NUDT9: variants seen among roughly 807,000 people sequenced by gnomAD.
NUDT9 encodes the protein ADP-ribose pyrophosphatase.
In NUDT9, 31 loss-of-function variants were observed where a neutral mutation model predicts 41.0. That is an observed-to-expected ratio of 0.76 (90% CI 0.57 to 1.02). NUDT9 has a LOEUF of 1.02. Among genes scored for constraint, NUDT9 ranks in the 50% least tolerant of loss-of-function variants. NUDT9 has a pLI of 0.00. For missense variants in NUDT9, 380 were observed against 431.4 expected (o/e 0.88, Z 1.06); for synonymous variants, 146 against 147.6 (o/e 0.99, Z 0.08).
At chr4:87,450,936 C>T (rs925355021) in intron 5 of NUDT9, among the ~76,000 whole-genome samples, 5 of 152,144 alleles carry the variant, frequency 3.3e-5, no homozygotes, top group Non-Finnish European at 7.3e-5. Flanking sequence ...TCTTTTGGTG[C>T]TCCCATTCCA....
At chr4:87,433,929 C>G (rs1721793073) in intron 1 of NUDT9, among the ~76,000 whole-genome samples, 2 of 152,074 alleles carry the variant, frequency 1.3e-5, no homozygotes, top group Admixed American at 1.3e-4. Flanking sequence ...AAAAATTTTT[C>G]AATAATTTCT....
chr4:87,455,045 A>G (rs1722926719), intron 7 of NUDT9, among the ~76,000 whole-genome samples: 1 of 152,234 alleles, frequency 6.6e-6, no homozygotes, highest in Non-Finnish European at 1.5e-5. Flanking sequence ...TACACATTGA[A>G]TGGCTCCCTT....
At chr4:87,442,987 AATAC>A (rs1455054491) in intron 4 of NUDT9, among the ~76,000 whole-genome samples, 1 of 152,240 alleles carries the variant, frequency 6.6e-6, no homozygotes, top group Non-Finnish European at 1.5e-5. Flanking sequence ...CAGTATAGTA[AATAC>A]ATAAGCCAGT....
At chr4:87,446,887 T>C (rs1374219640) in intron 4 of NUDT9, among the ~76,000 whole-genome samples, 2 of 152,214 alleles carry the variant, frequency 1.3e-5, no homozygotes, top group East Asian at 3.8e-4. Flanking sequence ...TCATCATCTT[T>C]TACCTGGATC....
At position 87,422,826 on chromosome 4, in the gene NUDT9, AC is replaced by A. The variant is rs1721190236; in HGVS notation, c.-79del. The A allele has an allele frequency of 2.8e-6, 3 of 1,079,154 alleles. No homozygotes were observed. The highest frequency in any genetic ancestry group is 4.1e-6 in the Non-Finnish European group (3 of 734,046). The allele number at this position is 1,079,154 out of a possible 1,614,324, so 66.8% of individuals were successfully genotyped here. On this transcript the variant is annotated 5_prime_UTR_variant, in exon 1 of 8. Coordinates refer to ENST00000302174, the MANE Select transcript of NUDT9 (RefSeq NM_024047.5). Reference sequence around the variant, plus strand: ...TGCCCATCAGATACCCGCGGCCGGGACTCGGAGCTGTGGGGTGTGGGGAGGC... The same window carrying A: ...TGCCCATCAGATACCCGCGGCCGGGATCGGAGCTGTGGGGTGTGGGGAGGC...
intron 4 of NUDT9, among the ~76,000 whole-genome samples, chr4:87,445,662 A>G (rs1036180227): frequency 5.2e-4 from 79 of 152,196 alleles, no homozygotes; most frequent in African/African-American, 1.9e-3. Flanking sequence ...TACTGTTAGA[A>G]CTGGGGAGGG....
chr4:87,453,207 G>A (rs539031136), intron 6 of NUDT9, among the ~76,000 whole-genome samples: 1 of 152,274 alleles, frequency 6.6e-6, no homozygotes, highest in Non-Finnish European at 1.5e-5. Context: ...TTACGTTTGT[G>A]CTAGATGAAT....
At chr4:87,431,251 G>A (rs980242132) in intron 1 of NUDT9, among the ~76,000 whole-genome samples, 15 of 152,258 alleles carry the variant, frequency 9.9e-5, no homozygotes, top group Admixed American at 5.2e-4. Context: ...TTATTGTGAG[G>A]ATTTATTTCT....
chr4:87,432,058 A>G (rs527697296), intron 1 of NUDT9, among the ~76,000 whole-genome samples: 1 of 152,282 alleles, frequency 6.6e-6, no homozygotes, highest in South Asian at 2.1e-4. Context: ...TTCATTTATT[A>G]GTTCTAACAG....
chr4:87,455,735 C>T (rs1384716695), intron 7 of NUDT9, among the ~76,000 whole-genome samples: 2 of 150,154 alleles, frequency 1.3e-5, no homozygotes, highest in African/African-American at 4.9e-5. Context: ...GATAATGGCT[C>T]ACTGCAACCT....
At chr4:87,457,791 T>G in intron 7 of NUDT9, 52 bp from the exon 8 acceptor site, 1 of 1,503,722 alleles carries the variant, frequency 6.7e-7, no homozygotes, top group East Asian at 2.3e-5. Flanking sequence ...GACATAGATA[T>G]GCTAAAACAG....
Position 87,454,464 on chromosome 4 carries a change from A to T in NUDT9, c.874+9A>T. On this transcript the variant is annotated intron_variant, in intron 7 of 7. Transcript: ENST00000302174. ...CTACCATGACGAAACAGGTAACTTT[A>T]TATTTATTAAACTGGCTGGGATTAA... 6.5e-7 allele frequency: 1 copy of T among 1,543,544 alleles called. No homozygotes were observed. Among genetic ancestry groups the T allele is most frequent in the Non-Finnish European group, 9.0e-7 (1 of 1,115,666 alleles).
chr4:87,446,492 C>G (rs1005777718), intron 4 of NUDT9, among the ~76,000 whole-genome samples: 1 of 152,134 alleles, frequency 6.6e-6, no homozygotes, highest in African/African-American at 2.4e-5. Context: ...CTCGGCCTCT[C>G]AAAGTGCTGG....
intron 1 of NUDT9, among the ~76,000 whole-genome samples, chr4:87,423,910 T>G (rs1261296481): frequency 6.6e-6 from 1 of 152,240 alleles, no homozygotes; most frequent in Non-Finnish European, 1.5e-5. Flanking sequence ...GCCTTTTGCT[T>G]CAGGCTTTGC....
chr4:87,429,130 G>T (rs1721565976), intron 1 of NUDT9, among the ~76,000 whole-genome samples: 1 of 152,106 alleles, frequency 6.6e-6, no homozygotes, highest in South Asian at 2.1e-4. Flanking sequence ...TGTAAGTCAG[G>T]TTAAGAATTT....
At position 87,427,439 on chromosome 4, in the gene NUDT9, G is replaced by A. The variant is rs190581546; in HGVS notation, c.107+4427G>A. Reference sequence around the variant, plus strand: ...CAATACAAAGGTCAAGGCTGTATATGTGTGTATTACAAGTATTCTTTTTTC... The same window carrying A: ...CAATACAAAGGTCAAGGCTGTATATATGTGTATTACAAGTATTCTTTTTTC... On this transcript the variant is annotated intron_variant, in intron 1 of 7. Transcript: ENST00000302174. 1.1e-3 allele frequency among the ~76,000 whole-genome samples: 160 copies of A among 152,338 alleles called. 1 individual carries two copies. Among genetic ancestry groups the A allele is most frequent in the Non-Finnish European group, 1.9e-3 (129 of 68,036 alleles).
chr4:87,437,976 CCTT>C (rs145786877), intron 2 of NUDT9, among the ~76,000 whole-genome samples: 2,047 of 152,146 alleles, frequency 0.013, 43 homozygotes, highest in African/African-American at 0.046. Flanking sequence ...TGCTAATAGA[CCTT>C]CTTGTAGCAT....
intron 3 of NUDT9, 114 bp downstream of exon 3, chr4:87,438,486 A>G: frequency 3.6e-6 from 2 of 556,026 alleles, no homozygotes; most frequent in South Asian, 4.4e-5. Context: ...TTATTTACAT[A>G]TGTGATGTAA....
At position 87,458,915 on chromosome 4, in the gene NUDT9, A is replaced by T. The variant is rs1323188883; in HGVS notation, c.*894A>T. The T allele has an allele frequency of 6.6e-5, 10 of 152,202 alleles. No individual in the cohort carries two copies. The highest frequency in any genetic ancestry group is 6.5e-4 in the Admixed American group (10 of 15,280). 9.4% of individuals were successfully genotyped at this position (152,202 alleles called of 1,614,324 possible). A position where few individuals can be genotyped will look rare whatever the true frequency, so the allele number is the denominator to read the frequency against. On this transcript the variant is annotated 3_prime_UTR_variant, in exon 8 of 8. Coordinates refer to ENST00000302174, the MANE Select transcript of NUDT9 (RefSeq NM_024047.5). ...AGAGAGTCCTCAAATATTTAAAGAT[A>T]TTTGACCCAGTAATCCCATTACTAG...
Sources: allele counts gnomAD v4.1 joint callset (sites outside exome capture counted in the v4.1 genomes callset), GRCh38; gene constraint gnomAD v4.1.1; transcripts MANE v1.5; gene names NCBI Gene and HGNC (gene_info 2026-07-23, HGNC 2026-07-21).